Variants in PARD3B observed in about 807,000 individuals in gnomAD.
PARD3B encodes the protein par-3 family cell polarity regulator beta.
PARD3B carries 103 observed loss-of-function variants against 130.2 expected under a neutral mutation model. The observed-to-expected ratio is 0.79, with a 90% confidence interval of 0.67 to 0.93. The LOEUF (loss-of-function observed/expected upper bound fraction) is 0.93, where lower values mean the gene tolerates loss of function less well. Ranked by LOEUF, PARD3B falls within the 40% of genes least tolerant of loss-of-function variation. The pLI, the probability that PARD3B is intolerant of heterozygous loss-of-function variation, is 0.00. For missense variants in PARD3B, 1,609 were observed against 1,499.2 expected (o/e 1.07, Z -1.21); for synonymous variants, 583 against 553.2 (o/e 1.05, Z -0.76).
intron 4 of PARD3B, among the ~76,000 whole-genome samples, chr2:205,055,714 A>G (rs1269603080): frequency 2.6e-5 from 4 of 152,154 alleles, no homozygotes. Flanking sequence ...GATGTGAATT[A>G]TTAAGTTGGT....
chr2:204,654,569 T>C (rs976158324), intron 1 of PARD3B, among the ~76,000 whole-genome samples: 5 of 152,178 alleles, frequency 3.3e-5, no homozygotes, highest in African/African-American at 1.2e-4. Context: ...CCATGAGTGA[T>C]AGGGCAGTGT....
chr2:204,901,481 T>C (rs1024938036), intron 2 of PARD3B, among the ~76,000 whole-genome samples: 5 of 151,638 alleles, frequency 3.3e-5, no homozygotes, highest in African/African-American at 1.2e-4. Context: ...GGACTCTCCC[T>C]TTAGGGCAGA....
chr2:204,901,642 C>T (rs1339015417), intron 2 of PARD3B, among the ~76,000 whole-genome samples: 4 of 151,938 alleles, frequency 2.6e-5, no homozygotes, highest in Non-Finnish European at 5.9e-5. Flanking sequence ...GCTATTCCCT[C>T]TCCTTGTCTC....
intron 1 of PARD3B, among the ~76,000 whole-genome samples, chr2:204,547,601 T>C (rs1345061953): frequency 6.6e-6 from 1 of 152,212 alleles, no homozygotes; most frequent in Admixed American, 6.5e-5. Flanking sequence ...TCACTAACTT[T>C]TGAAAGTGAG....
chr2:205,045,098 C>A (rs903919431), intron 3 of PARD3B, among the ~76,000 whole-genome samples: 3 of 148,546 alleles, frequency 2.0e-5, no homozygotes, highest in African/African-American at 7.4e-5. Context: ...TAAGAAAGAT[C>A]TAGCCATCTT....
chr2:205,419,712 G>C (rs558479259), intron 19 of PARD3B, among the ~76,000 whole-genome samples: 1 of 152,290 alleles, frequency 6.6e-6, no homozygotes, highest in African/African-American at 2.4e-5. Context: ...GGAGGGAAAC[G>C]GGGAAAGGGG....
At chr2:205,081,505 T>G (rs1458146292) in intron 4 of PARD3B, among the ~76,000 whole-genome samples, 3 of 152,134 alleles carry the variant, frequency 2.0e-5, no homozygotes, top group Non-Finnish European at 4.4e-5. Context: ...CATGTTTAGA[T>G]TTTTGCCATT....
At chr2:205,396,318 A>G (rs77379025) in intron 18 of PARD3B, among the ~76,000 whole-genome samples, 4,083 of 152,308 alleles carry the variant, frequency 0.027, 168 homozygotes, top group African/African-American at 0.094. Flanking sequence ...TGTAAATTTC[A>G]TGACGATATT....
At chr2:205,507,196 A>ATTT (rs71410819) in intron 21 of PARD3B, among the ~76,000 whole-genome samples, 1,382 of 25,172 alleles carry the variant, frequency 0.055, 635 homozygotes, top group Admixed American at 0.09. Context: ...CAGGTGCAGT[A>ATTT]TTTTTTTTTT....
chr2:205,472,958 T>C (rs1246644123), intron 20 of PARD3B, among the ~76,000 whole-genome samples: 1 of 151,966 alleles, frequency 6.6e-6, no homozygotes, highest in African/African-American at 2.4e-5. Flanking sequence ...AATAAGTGAA[T>C]GAATAAATGA....
intron 18 of PARD3B, among the ~76,000 whole-genome samples, chr2:205,398,879 A>G (rs1394654932): frequency 6.6e-6 from 1 of 152,168 alleles, no homozygotes; most frequent in Non-Finnish European, 1.5e-5. Flanking sequence ...CAAAATTTAT[A>G]TGTCAGGTCC....
Position 205,253,015 on chromosome 2 carries a change from A to C in PARD3B, c.2185+7193A>C, listed in dbSNP as rs2039924759. ...AGTTAAACTTAATGGGTAAGTAAAA[A>C]AGGGTATCCAACTTGATTTTCATTG... On this transcript the variant is annotated intron_variant, in intron 16 of 22. Transcript: ENST00000406610. The surrounding 1 kb of genome is among the most constrained non-coding windows in gnomAD (Gnocchi z 4.4). 6.6e-6 allele frequency among the ~76,000 whole-genome samples: 1 copy of C among 152,094 alleles called. No homozygotes were observed. Among genetic ancestry groups the C allele is most frequent in the Admixed American group, 6.5e-5 (1 of 15,284 alleles).
intron 16 of PARD3B, among the ~76,000 whole-genome samples, chr2:205,257,011 T>A (rs1390193690): frequency 6.6e-6 from 1 of 152,134 alleles, no homozygotes. Context: ...TTAGTCCTAG[T>A]AATTTATTTA....
intron 10 of PARD3B, among the ~76,000 whole-genome samples, chr2:205,137,527 T>A (rs1398162769): frequency 6.6e-6 from 1 of 152,244 alleles, no homozygotes; most frequent in Non-Finnish European, 1.5e-5. Context: ...TTATAAGTTC[T>A]ATGTTTTAGT....
chr2:205,522,654 C>T (rs1438226090), intron 21 of PARD3B, among the ~76,000 whole-genome samples: 1 of 152,078 alleles, frequency 6.6e-6, no homozygotes, highest in Non-Finnish European at 1.5e-5. Context: ...AATATCTTGG[C>T]TTGTGGTACT....
intron 4 of PARD3B, among the ~76,000 whole-genome samples, chr2:205,083,602 CTT>C (rs1423434917): frequency 6.9e-6 from 1 of 144,582 alleles, no homozygotes; most frequent in Admixed American, 6.9e-5. Flanking sequence ...TTTGATTCTT[CTT>C]TTTTTTTTTA....
rs192577016 is a variant in PARD3B, at chr2:205,270,810, G to A, written c.2185+24988G>A. Among the ~76,000 whole-genome samples the A allele has an allele frequency of 4.1e-4, 63 of 152,086 alleles. 1 individual carries two copies. In the East Asian group the frequency reaches 0.011, roughly 27 times the overall value. ...AAGGGATAAAGGGAGGGAAAAGAGC[G>A]TGCCAGCCTTATTTATCTTACCAGT... On this transcript the variant is annotated intron_variant, in intron 16 of 22. Coordinates refer to ENST00000406610, the MANE Select transcript of PARD3B (RefSeq NM_001302769.2).
rs1298451651 is a variant in PARD3B at position 205,054,404 on chromosome 2, TTATA to T, written c.504+6744_504+6747del. Among the ~76,000 whole-genome samples the T allele has an allele frequency of 2.1e-3, 72 of 33,816 alleles. 1 individual carries two copies. Among genetic ancestry groups the T allele is most frequent in the Non-Finnish European group, 2.6e-3 (44 of 17,046 alleles). The allele number at this position is 33,816 out of a possible 152,430, so 22.2% of individuals were successfully genotyped here. A position where few individuals can be genotyped will look rare whatever the true frequency, so the allele number is the denominator to read the frequency against. On this transcript the variant is annotated intron_variant, in intron 4 of 22. Transcript: ENST00000406610. ...TAACAAGGTAACCATGACATGTCTT[TTATA>T]TATATATATATATATATATATATAT...
chr2:204,635,017 C>T (rs1010430057), intron 1 of PARD3B, among the ~76,000 whole-genome samples: 4 of 152,110 alleles, frequency 2.6e-5, no homozygotes, highest in African/African-American at 7.2e-5. Context: ...GGTTGATTTC[C>T]CAGAATCCTC....
Sources: allele counts gnomAD v4.1 joint callset (sites outside exome capture counted in the v4.1 genomes callset), GRCh38; gene constraint gnomAD v4.1.1; non-coding constraint Gnocchi (gnomAD v3.1); transcripts MANE v1.5; gene names NCBI Gene and HGNC (gene_info 2026-07-23, HGNC 2026-07-21).